Variants in ATP10B observed in about 807,000 individuals in gnomAD.
ATP10B encodes ATPase phospholipid transporting 10B (putative), also known as phospholipid-transporting ATPase VB.
In ATP10B, 122 loss-of-function variants were observed where a neutral mutation model predicts 141.2. The ratio of observed to expected loss-of-function variants is 0.86; its 90% CI spans 0.75 to 1.00. ATP10B has a LOEUF of 1.00. Among genes scored for constraint, ATP10B ranks in the 50% least tolerant of loss-of-function variants. The pLI is 0.00. For missense variants in ATP10B, 1,876 were observed against 1,825.3 expected, an observed-to-expected ratio of 1.03 and a Z score of -0.51; for synonymous variants, 685 against 692.0, an observed-to-expected ratio of 0.99 and a Z score of 0.16.
At chr5:160,586,228 G>A (rs2127606584) in intron 24 of ATP10B, among the ~76,000 whole-genome samples, 1 of 152,268 alleles carries the variant, frequency 6.6e-6, no homozygotes, top group East Asian at 1.9e-4. Flanking sequence ...AACATGTGGT[G>A]TTTGGTTTTC....
At chr5:160,828,742 A>G (rs1774824438) in intron 1 of ATP10B, among the ~76,000 whole-genome samples, 1 of 151,958 alleles carries the variant, frequency 6.6e-6, no homozygotes, top group African/African-American at 2.4e-5. Flanking sequence ...ATGCTGCTAT[A>G]AAGACACATG....
chr5:160,771,408 G>A (rs1228954191), intron 2 of ATP10B, among the ~76,000 whole-genome samples: 3 of 152,104 alleles, frequency 2.0e-5, no homozygotes, highest in Non-Finnish European at 2.9e-5. Context: ...CCCACATATA[G>A]GGTATGATTA....
chr5:160,644,024 A>G lies in ATP10B; in HGVS notation c.868+114T>C, dbSNP rs989327618. ...GCTTAGTTGAGAAATGGGAAGTTAC[A>G]TGAGTAAATGGGAAGTTACTGTGAA... On this transcript the variant is annotated intron_variant, in intron 9 of 25. Coordinates refer to ENST00000327245, the MANE Select transcript of ATP10B (RefSeq NM_025153.3). 6.1e-6 allele frequency: 5 copies of G among 818,858 alleles called. No homozygotes were observed. The Admixed American group carries it at 8.0e-5, about 13-fold the overall frequency. 50.7% of individuals were successfully genotyped at this position (818,858 alleles called of 1,614,324 possible). A position where few individuals can be genotyped will look rare whatever the true frequency, so the allele number is the denominator to read the frequency against.
At chr5:160,814,355 C>A (rs544092840) in intron 1 of ATP10B, among the ~76,000 whole-genome samples, 1 of 151,950 alleles carries the variant, frequency 6.6e-6, no homozygotes, top group Non-Finnish European at 1.5e-5. Context: ...CCTCAGTAGC[C>A]GATTCGATCA....
chr5:160,635,040 G>A (rs1014274163), intron 11 of ATP10B, among the ~76,000 whole-genome samples: 1 of 152,194 alleles, frequency 6.6e-6, no homozygotes, highest in African/African-American at 2.4e-5. Context: ...CCTGGAAATG[G>A]GAGTTAACAG....
intron 21 of ATP10B, among the ~76,000 whole-genome samples, chr5:160,601,606 A>G (rs958955437): frequency 3.3e-5 from 5 of 152,192 alleles, no homozygotes; most frequent in Non-Finnish European, 7.4e-5. Flanking sequence ...AAACCAACAT[A>G]GTTTTAGAAT....
At chr5:160,840,070 C>A (rs981481082) in intron 1 of ATP10B, among the ~76,000 whole-genome samples, 44 of 152,060 alleles carry the variant, frequency 2.9e-4, no homozygotes, top group African/African-American at 1.0e-3. Context: ...ATAAATACCT[C>A]TGAAAGATGC....
the ATP10B span, among the ~76,000 whole-genome samples, chr5:160,866,405 G>A: frequency 7.9e-5 from 12 of 152,112 alleles, no homozygotes; most frequent in Non-Finnish European, 4.4e-5. Context: ...TGGGTGTGGT[G>A]GCTCATGCTT....
At chr5:160,695,455 A>G (rs997160908) in intron 3 of ATP10B, among the ~76,000 whole-genome samples, 2 of 151,224 alleles carry the variant, frequency 1.3e-5, no homozygotes, top group Admixed American at 1.3e-4. Flanking sequence ...AGGTGGCTGG[A>G]TGGAGTACTA....
At chr5:160,655,911 C>A (rs756270067) in intron 7 of ATP10B, among the ~76,000 whole-genome samples, 5 of 152,116 alleles carry the variant, frequency 3.3e-5, no homozygotes, top group African/African-American at 7.2e-5. Flanking sequence ...TCAGATGTGT[C>A]AATAGCGGTA....
intron 13 of ATP10B, among the ~76,000 whole-genome samples, chr5:160,629,994 C>A (rs1056267079): frequency 2.0e-5 from 3 of 152,172 alleles, no homozygotes; most frequent in African/African-American, 7.2e-5. Flanking sequence ...GGTTACCCAG[C>A]AAGCCAGTAG....
chr5:160,895,709 C>T, the ATP10B span, among the ~76,000 whole-genome samples: 13 of 152,174 alleles, frequency 8.5e-5, no homozygotes, highest in Admixed American at 4.6e-4. Context: ...TAATAGACAT[C>T]TACAGACCTC....
chr5:160,909,546 C>A, the ATP10B span, among the ~76,000 whole-genome samples: 2 of 152,102 alleles, frequency 1.3e-5, no homozygotes, highest in African/African-American at 4.8e-5. Flanking sequence ...GGAGCAGGAT[C>A]CTGTTAGATA....
chr5:160,717,765 C>T (rs1765748430), intron 2 of ATP10B, among the ~76,000 whole-genome samples: 1 of 152,188 alleles, frequency 6.6e-6, no homozygotes, highest in African/African-American at 2.4e-5. Flanking sequence ...GGAATCCATA[C>T]TTGTCTGACT....
At chr5:160,878,549 C>G in the ATP10B span, among the ~76,000 whole-genome samples, 1 of 151,956 alleles carries the variant, frequency 6.6e-6, no homozygotes, top group African/African-American at 2.4e-5. Context: ...TCTAATTAAA[C>G]TAAAGAGCTT....
chr5:160,633,249 A>C (rs923315782), intron 12 of ATP10B: 5 of 152,252 alleles, frequency 3.3e-5, no homozygotes, highest in Admixed American at 3.3e-4. Flanking sequence ...TCTACTAAAG[A>C]CACATGCACA....
chr5:160,859,083 C>G, the ATP10B span, among the ~76,000 whole-genome samples: 1 of 151,842 alleles, frequency 6.6e-6, no homozygotes, highest in Admixed American at 6.6e-5. Flanking sequence ...CTTCTCTTAG[C>G]CTTCTTTTAA....
At chr5:160,766,944 C>T (rs1769489319) in intron 2 of ATP10B, among the ~76,000 whole-genome samples, 2 of 152,136 alleles carry the variant, frequency 1.3e-5, no homozygotes, top group South Asian at 2.1e-4. Context: ...GACACCTGCT[C>T]CTACTCAGTC....
chr5:160,771,693 T>C (rs1053081537), intron 2 of ATP10B, among the ~76,000 whole-genome samples: 1 of 152,224 alleles, frequency 6.6e-6, no homozygotes, highest in Admixed American at 6.5e-5. Context: ...ATTTCTAGTA[T>C]AGAATACAAT....
Sources: allele counts gnomAD v4.1 joint callset (sites outside exome capture counted in the v4.1 genomes callset), GRCh38; gene constraint gnomAD v4.1.1; transcripts MANE v1.5; gene names NCBI Gene and HGNC (gene_info 2026-07-23, HGNC 2026-07-21).